PEAK1: variants seen among roughly 807,000 people sequenced by gnomAD.
The protein encoded by PEAK1 is pseudopodium enriched atypical kinase 1.
PEAK1 carries 54 observed loss-of-function variants against 124.7 expected under a neutral mutation model. The observed-to-expected ratio is 0.43, with a 90% CI of 0.35 to 0.54. The LOEUF is 0.54. PEAK1 is among the 20% of genes least tolerant of loss of function. The probability of loss-of-function intolerance (pLI) is 0.01; values close to 1 mark genes in which losing one functional copy is unlikely to be tolerated. For missense variants in PEAK1, 2,046 were observed against 2,134.5 expected, an observed-to-expected ratio of 0.96 and a Z score of 0.82; for synonymous variants, 719 against 760.0, an observed-to-expected ratio of 0.95 and a Z score of 0.89.
chr15:77,112,166 C>A lies in PEAK1; in HGVS notation c.*1990G>T, dbSNP rs1044904660. On this transcript the variant is annotated 3_prime_UTR_variant, in exon 10 of 10. Coordinates refer to ENST00000682557, the MANE Select transcript of PEAK1 (RefSeq NM_001385026.1). The stretch of plus-strand genomic sequence containing the variant: ...GACTCTTTGTGGGCTAACCAGCCTT[C>A]TTTCCTGTGAGTCCTATATTGCTGG... 1.3e-5 allele frequency: 2 copies of A among 152,224 alleles called. No individual in the cohort carries two copies. The highest frequency in any genetic ancestry group is 2.9e-5 in the Non-Finnish European group (2 of 68,044). The allele number at this position is 152,224 out of a possible 1,614,324, so 9.4% of individuals were successfully genotyped here. A position where few individuals can be genotyped will look rare whatever the true frequency, so the allele number is the denominator to read the frequency against.
Position 77,180,973 on chromosome 15 carries a change from A to T in PEAK1, c.954T>A (p.Asn318Lys). 1 of 1,614,138 alleles carries T rather than the reference A, an allele frequency of 6.2e-7. No individual in the cohort carries two copies. The highest frequency in any genetic ancestry group is 8.5e-7 in the Non-Finnish European group (1 of 1,180,004). ...AGACCACAGAATTTTCCTCATAACC[A>T]TTCAGGATTTCATCATAGCTGTCAT... ...DYDDSYDEIL[N>K]GYEENSVVSY... The change falls in exon 7 of 10, where the codon AAT becomes AAA. Residue 318 changes from asparagine (N) to lysine (K), a missense_variant. Coordinates refer to ENST00000682557, the MANE Select transcript of PEAK1 (RefSeq NM_001385026.1).
At chr15:77,250,889 T>A (rs2060848754) in intron 6 of PEAK1, among the ~76,000 whole-genome samples, 1 of 152,206 alleles carries the variant, frequency 6.6e-6, no homozygotes, top group Non-Finnish European at 1.5e-5. Flanking sequence ...AAGGTTAATG[T>A]TAGTACAGGG....
intron 2 of PEAK1, among the ~76,000 whole-genome samples, chr15:77,287,675 T>TCCTA (rs1303494100): frequency 1.3e-5 from 2 of 152,232 alleles, no homozygotes; most frequent in East Asian, 3.9e-4. Flanking sequence ...AAACCCTGAA[T>TCCTA]CCTAACCTTT....
At chr15:77,246,898 A>G (rs1255602557) in intron 6 of PEAK1, among the ~76,000 whole-genome samples, 2 of 152,104 alleles carry the variant, frequency 1.3e-5, no homozygotes, top group Admixed American at 6.6e-5. Flanking sequence ...GGTGCCTGCA[A>G]TCCTAGCTAC....
chr15:77,150,644 T>C (rs1001710236), intron 8 of PEAK1, among the ~76,000 whole-genome samples: 2 of 149,894 alleles, frequency 1.3e-5, no homozygotes, highest in Non-Finnish European at 3.0e-5. Context: ...GTATATCTCC[T>C]AATGCTATCC....
chr15:77,325,188 G>A (rs994515741), intron 2 of PEAK1, among the ~76,000 whole-genome samples: 1 of 152,174 alleles, frequency 6.6e-6, no homozygotes, highest in African/African-American at 2.4e-5. Context: ...GGAGGCCAAG[G>A]TGGGAGAATT....
At position 77,133,416 on chromosome 15, in the gene PEAK1, C is replaced by T. The variant is rs374175949; in HGVS notation, c.3666G>A (p.Leu1222=). Residue 1222 remains leucine (L), a synonymous_variant, in exon 9 of 10, where the codon TTG becomes TTA. Coordinates refer to ENST00000682557, the MANE Select transcript of PEAK1 (RefSeq NM_001385026.1). The surrounding 1 kb of genome is among the most constrained non-coding windows in gnomAD (Gnocchi z 4.2). ...IESYDSLERP[L]RKERPVPSAA... ...CTGAGGGGACAGGTCTCTCCTTGCGCAAAGGCCTTTCCAAGGAGTCATAAG... is the reference window on the plus strand; with the variant it reads ...CTGAGGGGACAGGTCTCTCCTTGCGTAAAGGCCTTTCCAAGGAGTCATAAG... The T allele has an allele frequency of 1.2e-6, 2 of 1,614,088 alleles. No homozygotes were observed. The highest frequency in any genetic ancestry group is 1.7e-6 in the Non-Finnish European group (2 of 1,180,050).
intron 6 of PEAK1, among the ~76,000 whole-genome samples, chr15:77,227,001 C>T (rs1336974069): frequency 6.6e-6 from 1 of 152,134 alleles, no homozygotes; most frequent in African/African-American, 2.4e-5. Flanking sequence ...GGCAGTTGTC[C>T]TCAACCTTTA....
At chr15:77,239,289 G>A (rs1433906575) in intron 6 of PEAK1, among the ~76,000 whole-genome samples, 1 of 152,150 alleles carries the variant, frequency 6.6e-6, no homozygotes, top group Non-Finnish European at 1.5e-5. Flanking sequence ...TCTAACTCTA[G>A]ATGCACATTA....
intron 2 of PEAK1, among the ~76,000 whole-genome samples, chr15:77,359,259 G>A (rs1395506627): frequency 1.3e-5 from 2 of 151,914 alleles, no homozygotes; most frequent in African/African-American, 2.4e-5. Context: ...GCAACATGGC[G>A]AAACCCCATC....
intron 1 of PEAK1, among the ~76,000 whole-genome samples, chr15:77,415,595 C>A (rs2072812797): frequency 6.6e-6 from 1 of 152,220 alleles, no homozygotes; most frequent in African/African-American, 2.4e-5. Flanking sequence ...TATTCTACCA[C>A]GTTCCCTTCA....
At chr15:77,279,104 CGT>C (rs34561338) in intron 5 of PEAK1, among the ~76,000 whole-genome samples, 18,054 of 114,748 alleles carry the variant, frequency 0.16, 1,185 homozygotes, top group Non-Finnish European at 0.21. Context: ...CTCGTGTGTG[CGT>C]GTGTGTGTGT....
intron 1 of PEAK1, among the ~76,000 whole-genome samples, chr15:77,375,722 G>A (rs540332922): frequency 6.6e-6 from 1 of 152,252 alleles, no homozygotes; most frequent in East Asian, 1.9e-4. Context: ...TAGGCCAGGC[G>A]CGGTGGCTCA....
chr15:77,288,709 G>A (rs1167433482), intron 2 of PEAK1, among the ~76,000 whole-genome samples: 7 of 152,098 alleles, frequency 4.6e-5, no homozygotes, highest in Admixed American at 3.3e-4. Flanking sequence ...TTGGGAGGCC[G>A]AGGCAGGCGG....
At chr15:77,336,448 A>G in intron 2 of PEAK1, 3 of 985,386 alleles carry the variant, frequency 3.0e-6, no homozygotes, top group Non-Finnish European at 3.6e-6. Flanking sequence ...CTTTGGTTTT[A>G]TATTATTCAC....
chr15:77,240,939 T>C (rs1229799084), intron 6 of PEAK1, among the ~76,000 whole-genome samples: 1 of 152,162 alleles, frequency 6.6e-6, no homozygotes, highest in East Asian at 1.9e-4. Flanking sequence ...ATACTTCCCA[T>C]TCATTTTATG....
chr15:77,174,681 G>T (rs1407318772), intron 7 of PEAK1, among the ~76,000 whole-genome samples: 3 of 152,068 alleles, frequency 2.0e-5, no homozygotes, highest in Non-Finnish European at 1.5e-5. Context: ...ATCTCCCAAG[G>T]TAATTTACAG....
intron 1 of PEAK1, chr15:77,402,954 C>T (rs1363475409): frequency 1.0e-6 from 1 of 985,228 alleles, no homozygotes; most frequent in East Asian, 1.1e-4. Context: ...ATGAAGATCA[C>T]TTTGAAATGC....
chr15:77,185,286 T>C (rs1411851312), intron 6 of PEAK1, among the ~76,000 whole-genome samples: 1 of 152,130 alleles, frequency 6.6e-6, no homozygotes, highest in Non-Finnish European at 1.5e-5. Context: ...GTCTGAAACA[T>C]GGATGAGAAT....
Sources: allele counts gnomAD v4.1 joint callset (sites outside exome capture counted in the v4.1 genomes callset), GRCh38; gene constraint gnomAD v4.1.1; non-coding constraint Gnocchi (gnomAD v3.1); transcripts MANE v1.5; gene names NCBI Gene and HGNC (gene_info 2026-07-23, HGNC 2026-07-21).